The following TGFBR2 variants were observed in gnomAD, a reference collection of about 807,000 sequenced individuals.
TGFBR2 encodes transforming growth factor beta receptor 2.
TGFBR2 carries 18 observed loss-of-function variants against 49.0 expected under a neutral mutation model. The ratio of observed to expected loss-of-function variants is 0.37; its 90% CI spans 0.25 to 0.54. TGFBR2 has a LOEUF of 0.54. TGFBR2 is among the 20% of genes least tolerant of loss of function. The pLI is 0.85. For synonymous variants in TGFBR2, 282 were observed against 275.9 expected (o/e 1.02, Z -0.22); for missense variants, 525 against 722.6 (o/e 0.73, Z 3.13).
chr3:30,663,309 C>A (rs1051736817), intron 3 of TGFBR2, among the ~76,000 whole-genome samples: 1 of 152,042 alleles, frequency 6.6e-6, no homozygotes, highest in South Asian at 2.1e-4. Context: ...TGTTTAAATT[C>A]GGAATCCAGT....
chr3:30,683,678 G>A (rs1011922973), intron 5 of TGFBR2, among the ~76,000 whole-genome samples: 2 of 152,148 alleles, frequency 1.3e-5, no homozygotes, highest in Non-Finnish European at 2.9e-5. Flanking sequence ...AATATTTTAA[G>A]CACCATCATG....
chr3:30,665,588 G>A (rs918919992), intron 3 of TGFBR2, among the ~76,000 whole-genome samples: 4 of 152,222 alleles, frequency 2.6e-5, no homozygotes, highest in Middle Eastern at 3.4e-3. Flanking sequence ...CAGAAGCTCC[G>A]ACAGCATCCA....
At chr3:30,638,163 A>T (rs1448437681) in intron 1 of TGFBR2, among the ~76,000 whole-genome samples, 1 of 152,238 alleles carries the variant, frequency 6.6e-6, no homozygotes, top group African/African-American at 2.4e-5. Context: ...TTTTAACACA[A>T]TATAGAGAAC....
intron 1 of TGFBR2, among the ~76,000 whole-genome samples, chr3:30,634,229 T>C (rs938331164): frequency 6.6e-6 from 1 of 152,248 alleles, no homozygotes; most frequent in Non-Finnish European, 1.5e-5. Flanking sequence ...GGCTGATTTT[T>C]CAGATTCTCT....
chr3:30,668,738 T>G (rs1460493533), intron 3 of TGFBR2, among the ~76,000 whole-genome samples: 10 of 152,124 alleles, frequency 6.6e-5, no homozygotes, highest in Non-Finnish European at 1.3e-4. Context: ...CCCTATACTT[T>G]TAAAATGCAT....
chr3:30,646,052 TGGC>T (rs1698733750), intron 2 of TGFBR2, among the ~76,000 whole-genome samples: 1 of 152,200 alleles, frequency 6.6e-6, no homozygotes, highest in Non-Finnish European at 1.5e-5. Context: ...TTTAATTTAT[TGGC>T]CATTTTAAAA....
intron 5 of TGFBR2, among the ~76,000 whole-genome samples, chr3:30,679,442 T>C (rs1298792948): frequency 6.6e-6 from 1 of 152,124 alleles, no homozygotes; most frequent in East Asian, 1.9e-4. Flanking sequence ...AAACAGATGA[T>C]AATAGAGCTC....
intron 1 of TGFBR2, among the ~76,000 whole-genome samples, chr3:30,635,615 T>G (rs1197703994): frequency 6.6e-6 from 1 of 152,200 alleles, no homozygotes; most frequent in African/African-American, 2.4e-5. Flanking sequence ...AAAAACTTCC[T>G]TGTAAATTGC....
intron 1 of TGFBR2, among the ~76,000 whole-genome samples, chr3:30,633,534 T>A (rs113480475): frequency 6.6e-5 from 10 of 152,266 alleles, no homozygotes; most frequent in African/African-American, 2.2e-4. Flanking sequence ...GGTGAAATAA[T>A]CATTAATTGT....
chr3:30,613,416 G>T (rs1014672685), intron 1 of TGFBR2, among the ~76,000 whole-genome samples: 3 of 152,096 alleles, frequency 2.0e-5, no homozygotes, highest in Admixed American at 2.0e-4. Flanking sequence ...TCTGCAGTTT[G>T]CATGGATCCT....
At chr3:30,640,393 A>T (rs781197288) in intron 1 of TGFBR2, among the ~76,000 whole-genome samples, 1 of 152,200 alleles carries the variant, frequency 6.6e-6, no homozygotes, top group Non-Finnish European at 1.5e-5. Flanking sequence ...AAGTACAGTC[A>T]TCTCTTGGTA....
chr3:30,614,277 C>T (rs1698092379), intron 1 of TGFBR2, among the ~76,000 whole-genome samples: 1 of 151,842 alleles, frequency 6.6e-6, no homozygotes, highest in Non-Finnish European at 1.5e-5. Context: ...TCTCAAGCCT[C>T]TTTAAAGAAA....
intron 1 of TGFBR2, among the ~76,000 whole-genome samples, chr3:30,623,650 A>G (rs868861334): frequency 2.0e-5 from 3 of 152,200 alleles, no homozygotes; most frequent in Non-Finnish European, 4.4e-5. Context: ...AAATGCTGCC[A>G]TGTGTAAAAG....
intron 1 of TGFBR2, among the ~76,000 whole-genome samples, chr3:30,613,523 T>G (rs1241049691): frequency 1.7e-5 from 2 of 115,396 alleles, no homozygotes; most frequent in East Asian, 7.8e-4. Flanking sequence ...TGTGTCTGTA[T>G]GTGAGAGAGA....
In TGFBR2 at chr3:30,620,684, G is replaced by A. The variant is rs577097987; in HGVS notation, c.94+13707G>A. Among the ~76,000 whole-genome samples the A allele has an allele frequency of 3.9e-5, 6 of 152,184 alleles. No individual in the cohort carries two copies. In the South Asian group the frequency reaches 1.2e-3, roughly 32 times the overall value. ...AGGCTCAATGCATTATGACTATAGA[G>A]ACCAGGCAAAGTCATAAAGTAAATC... On this transcript the variant is annotated intron_variant, in intron 1 of 6. Transcript: ENST00000295754.
intron 1 of TGFBR2, among the ~76,000 whole-genome samples, chr3:30,628,507 A>AG (rs1424224052): frequency 1.5e-5 from 2 of 136,750 alleles, no homozygotes; most frequent in Non-Finnish European, 3.1e-5. Flanking sequence ...AAAAAAAAAA[A>AG]GCCTTTGAAA....
At chr3:30,670,965 G>A (rs1358532925) in intron 3 of TGFBR2, among the ~76,000 whole-genome samples, 1 of 152,260 alleles carries the variant, frequency 6.6e-6, no homozygotes, top group Non-Finnish European at 1.5e-5. Flanking sequence ...CCTGAATGCT[G>A]ATCAGAGCAG....
chr3:30,652,232 G>GT (rs11386584), intron 3 of TGFBR2, among the ~76,000 whole-genome samples: 75,085 of 97,148 alleles, frequency 0.77, 29,028 homozygotes, highest in South Asian at 0.84. Context: ...TTTTCTGGTT[G>GT]TTTTTTTTTT....
chr3:30,609,660 G>T (rs547930386), intron 1 of TGFBR2, among the ~76,000 whole-genome samples: 171 of 152,268 alleles, frequency 1.1e-3, no homozygotes, highest in Middle Eastern at 6.8e-3. Flanking sequence ...GACTTTTCAG[G>T]TTCCTGGAAG....
Sources: allele counts gnomAD v4.1 joint callset (sites outside exome capture counted in the v4.1 genomes callset), GRCh38; gene constraint gnomAD v4.1.1; transcripts MANE v1.5; gene names NCBI Gene and HGNC (gene_info 2026-07-23, HGNC 2026-07-21).